The following HDX variants were observed in gnomAD, a reference collection of about 807,000 sequenced individuals.
HDX encodes the protein highly divergent homeobox.
Under a neutral mutation model 45.2 loss-of-function variants are expected in HDX, and 19 were observed. The ratio of observed to expected loss-of-function variants is 0.42; its 90% CI spans 0.29 to 0.62. The LOEUF (loss-of-function observed/expected upper bound fraction) is 0.62. Among genes scored for constraint, HDX ranks in the 20% least tolerant of loss-of-function variants. HDX has a pLI of 0.20. For synonymous variants in HDX, 188 were observed against 172.8 expected (o/e 1.09, Z -0.69); for missense variants, 532 against 493.9 (o/e 1.08, Z -0.73).
chrX:84,490,781 T>G (rs1182830773), intron 1 of HDX, among the ~76,000 whole-genome samples: 1 of 111,382 alleles, frequency 9.0e-6, no homozygotes, highest in African/African-American at 3.2e-5. Flanking sequence ...TTGTTACATA[T>G]GTATACTTTT....
intron 6 of HDX, among the ~76,000 whole-genome samples, chrX:84,356,649 G>A (rs1185248074): frequency 1.3e-5 from 1 of 77,876 alleles, no homozygotes; most frequent in Non-Finnish European, 2.3e-5. Flanking sequence ...TTGAGATGGA[G>A]TCTTGCTCTG....
At chrX:84,495,234 C>A (rs1481062581) in intron 1 of HDX, among the ~76,000 whole-genome samples, 6 of 110,553 alleles carry the variant, frequency 5.4e-5, no homozygotes, top group African/African-American at 2.0e-4. Flanking sequence ...TCAAGGAATA[C>A]AAAATTTTAG....
chrX:84,422,662 G>A (rs1003224857), intron 5 of HDX, among the ~76,000 whole-genome samples: 11 of 88,532 alleles, frequency 1.2e-4, no homozygotes, highest in African/African-American at 3.9e-4. Flanking sequence ...TGAAATAAAA[G>A]GTTTTTTTTT....
chrX:84,434,193 C>T (rs1247855106), intron 5 of HDX, among the ~76,000 whole-genome samples: 1 of 110,187 alleles, frequency 9.1e-6, no homozygotes, highest in African/African-American at 3.3e-5. Context: ...TACCTAATCA[C>T]CGTGGCCAAG....
intron 6 of HDX, among the ~76,000 whole-genome samples, chrX:84,356,666 A>C (rs1396486530): frequency 1.2e-5 from 1 of 81,321 alleles, no homozygotes; most frequent in Non-Finnish European, 2.2e-5. Context: ...TCTGTCGCCC[A>C]GGCTGGAGTG....
intron 1 of HDX, among the ~76,000 whole-genome samples, chrX:84,495,968 C>A (rs2040993663): frequency 1.8e-5 from 2 of 111,653 alleles, no homozygotes; most frequent in South Asian, 7.5e-4. Flanking sequence ...GACAACATAC[C>A]ATTCCCCTTG....
intron 6 of HDX, among the ~76,000 whole-genome samples, chrX:84,346,753 T>C (rs977629122): frequency 3.6e-5 from 4 of 111,777 alleles, no homozygotes; most frequent in South Asian, 3.7e-4. Context: ...GCATCATAGA[T>C]TTAAATATAA....
At chrX:84,384,487 T>C (rs950090387) in intron 5 of HDX, among the ~76,000 whole-genome samples, 2 of 110,274 alleles carry the variant, frequency 1.8e-5, no homozygotes, top group Non-Finnish European at 3.8e-5. Context: ...GTTTATTCTG[T>C]TGATAGTTAA....
At chrX:84,356,784 G>A (rs1324362119) in intron 6 of HDX, among the ~76,000 whole-genome samples, 7 of 109,651 alleles carry the variant, frequency 6.4e-5, no homozygotes, top group Non-Finnish European at 1.3e-4. Context: ...CACCACGCCT[G>A]GCTAATTTTT....
intron 5 of HDX, among the ~76,000 whole-genome samples, chrX:84,429,023 C>T (rs906514125): frequency 9.0e-6 from 1 of 110,673 alleles, no homozygotes; most frequent in African/African-American, 3.3e-5. Flanking sequence ...AGTTGCCTAA[C>T]TCCATATCCT....
chrX:84,367,871 G>A (rs1475563323), intron 5 of HDX, among the ~76,000 whole-genome samples: 2 of 111,444 alleles, frequency 1.8e-5, no homozygotes, highest in Admixed American at 9.5e-5. Context: ...GGTAAGGGAG[G>A]GATAGCATTA....
At chrX:84,370,973 A>AAAAAC (rs1429843459) in intron 5 of HDX, among the ~76,000 whole-genome samples, 1 of 112,616 alleles carries the variant, frequency 8.9e-6, no homozygotes, top group Non-Finnish European at 1.9e-5. Context: ...CAAACTTGTC[A>AAAAAC]AAAACAAAAC....
rs190564795 is a variant in HDX, at chrX:84,377,414, G to A, written c.1306-15802C>T. Among the ~76,000 whole-genome samples the A allele has an allele frequency of 3.6e-5, 4 of 111,271 alleles. No homozygotes were observed. The East Asian group carries it at 1.1e-3, about 32-fold the overall frequency. ...CCAAATGAAGAAAATAAGACACAAG[G>A]GACTAATCCTGGAGAAGCAGAGATA... On this transcript the variant is annotated intron_variant, in intron 5 of 10. Coordinates refer to ENST00000373177, the MANE Select transcript of HDX (RefSeq NM_001177479.2).
chrX:84,367,961 G>T (rs1364842821), intron 5 of HDX, among the ~76,000 whole-genome samples: 1 of 111,473 alleles, frequency 9.0e-6, no homozygotes, highest in Non-Finnish European at 1.9e-5. Context: ...TAACAAATCT[G>T]CACGTTCTGC....
At chrX:84,337,428 G>A (rs187447958) in intron 7 of HDX, among the ~76,000 whole-genome samples, 1 of 111,379 alleles carries the variant, frequency 9.0e-6, no homozygotes, top group African/African-American at 3.2e-5. Context: ...ATGGAATTAT[G>A]AGTGATTTTT....
At chrX:84,338,472 T>C (rs1186422084) in intron 7 of HDX, among the ~76,000 whole-genome samples, 2 of 110,557 alleles carry the variant, frequency 1.8e-5, no homozygotes, top group African/African-American at 6.6e-5. Context: ...GCAGCTATAA[T>C]ATACTCCTTT....
intron 1 of HDX, among the ~76,000 whole-genome samples, chrX:84,494,213 G>A (rs1369995298): frequency 9.0e-6 from 1 of 111,339 alleles, no homozygotes; most frequent in African/African-American, 3.3e-5. Flanking sequence ...CAGCGTCTCC[G>A]AATGAGCTAA....
chrX:84,461,486 TA>T (rs2040236474), intron 4 of HDX, among the ~76,000 whole-genome samples: 1 of 109,520 alleles, frequency 9.1e-6, no homozygotes, highest in Admixed American at 9.7e-5. Flanking sequence ...AGAATGAAAC[TA>T]GACCCCCATC....
At chrX:84,421,644 A>G (rs896969268) in intron 5 of HDX, among the ~76,000 whole-genome samples, 5 of 110,321 alleles carry the variant, frequency 4.5e-5, no homozygotes, top group African/African-American at 1.3e-4. Flanking sequence ...TTAAAAAAAA[A>G]AAAACCATTG....
Sources: gnomAD v4.1 joint callset for allele counts (sites outside exome capture counted in the v4.1 genomes callset) on GRCh38, gnomAD v4.1.1 for gene constraint, MANE v1.5 for transcripts, NCBI Gene and HGNC (gene_info 2026-07-23, HGNC 2026-07-21) for gene names.